GCNT1: variants seen among roughly 807,000 people sequenced by gnomAD.
The protein encoded by GCNT1 is glucosaminyl (N-acetyl) transferase 1.
In GCNT1, 16 loss-of-function variants were observed where a neutral mutation model predicts 26.2. The ratio of observed to expected loss-of-function variants is 0.61; its 90% CI spans 0.41 to 0.93. The LOEUF (loss-of-function observed/expected upper bound fraction) is 0.93, where lower values mean the gene tolerates loss of function less well. Among genes scored for constraint, GCNT1 ranks in the 40% least tolerant of loss-of-function variants. The probability of loss-of-function intolerance (pLI) is 0.00; values close to 1 mark genes in which losing one functional copy is unlikely to be tolerated. For synonymous variants in GCNT1, 183 were observed against 190.8 expected (o/e 0.96, Z 0.34); for missense variants, 477 against 526.7 (o/e 0.91, Z 0.92).
intron 2 of GCNT1, among the ~76,000 whole-genome samples, chr9:76,478,413 C>G (rs918821821): frequency 6.6e-6 from 1 of 152,084 alleles, no homozygotes; most frequent in Non-Finnish European, 1.5e-5. Context: ...AGGGAGACCA[C>G]GAACCCACGG....
At chr9:76,428,291 T>TAAAAAA (rs1564220598) in intron 1 of GCNT1, among the ~76,000 whole-genome samples, 2 of 77,026 alleles carry the variant, frequency 2.6e-5, no homozygotes, top group African/African-American at 9.5e-5. Flanking sequence ...AAAAAAAAAC[T>TAAAAAA]TAAAAAAAAA....
intron 2 of GCNT1, among the ~76,000 whole-genome samples, chr9:76,480,818 G>A (rs1824402242): frequency 6.6e-6 from 1 of 151,968 alleles, no homozygotes; most frequent in African/African-American, 2.4e-5. Context: ...TTTTTCTTCT[G>A]TATGTAAACT....
chr9:76,497,229 T>C (rs1213608475), intron 2 of GCNT1, among the ~76,000 whole-genome samples: 2 of 152,326 alleles, frequency 1.3e-5, no homozygotes, highest in South Asian at 2.1e-4. Context: ...TGTGGGTGTG[T>C]AATTTTTGGT....
chr9:76,471,730 T>C (rs1824137189), intron 2 of GCNT1, among the ~76,000 whole-genome samples: 1 of 152,216 alleles, frequency 6.6e-6, no homozygotes, highest in Admixed American at 6.5e-5. Flanking sequence ...TATTCTCCTA[T>C]TAGGAAAGAC....
chr9:76,456,887 T>C (rs1368821117), upstream of GCNT1, among the ~76,000 whole-genome samples: 1 of 152,146 alleles, frequency 6.6e-6, no homozygotes, highest in Non-Finnish European at 1.5e-5. Context: ...GGTGAGAGAA[T>C]CACCTGAGCA....
chr9:76,503,086 G>A lies in GCNT1; in HGVS notation c.705G>A (p.Leu235=), dbSNP rs751651523. ...TAGAAATTGTCAGGAAGCTCAAGTT[G>A]TTAATGGGAGAAAACAACCTGGAAA... is the stretch of plus-strand genomic sequence containing the variant. ...TNLEIVRKLK[L]LMGENNLETE... is the part of the protein sequence containing the mutation. The change falls in exon 4 of 4, where the codon TTG becomes TTA. Residue 235 remains leucine (L), a synonymous_variant. Coordinates refer to ENST00000376730, the MANE Select transcript of GCNT1 (RefSeq NM_001490.5). 2 of 1,614,122 alleles carry A rather than the reference G, an allele frequency of 1.2e-6. No individual in the cohort carries two copies. The highest frequency in any genetic ancestry group is 1.1e-5 in the South Asian group (1 of 91,084).
chr9:76,468,275 G>C (rs982304811), intron 2 of GCNT1, among the ~76,000 whole-genome samples: 8 of 152,174 alleles, frequency 5.3e-5, no homozygotes, highest in African/African-American at 1.9e-4. Flanking sequence ...TGCCTAGCTG[G>C]AGCCCTGCTC....
At chr9:76,410,425 T>A in the GCNT1 span, among the ~76,000 whole-genome samples, 1 of 151,782 alleles carries the variant, frequency 6.6e-6, no homozygotes, top group African/African-American at 2.4e-5. Flanking sequence ...AGAACAAAAC[T>A]CTCTTCAAAA....
In GCNT1 at chr9:76,502,538, C is replaced by G; in HGVS notation, c.157C>G (p.Pro53Ala). Residue 53 changes from proline to alanine, a missense_variant, in exon 4 of 4, where the codon CCT (proline) becomes GCT (alanine). Transcript: ENST00000376730. The part of the protein sequence containing the change: ...VRHLELAGEN[P>A]SSDINCTKVL... ...ACACTTGGAGCTTGCTGGGGAGAAT[C>G]CTAGTAGTGATATTAATTGCACCAA... is the stretch of plus-strand genomic sequence containing the variant. 6.2e-7 allele frequency: 1 copy of G among 1,613,926 alleles called. No homozygotes were observed. Among genetic ancestry groups the G allele is most frequent in the Non-Finnish European group, 8.5e-7 (1 of 1,179,920 alleles).
At chr9:76,423,983 C>G (rs576156341) in intron 1 of GCNT1, among the ~76,000 whole-genome samples, 1 of 152,228 alleles carries the variant, frequency 6.6e-6, no homozygotes, top group East Asian at 1.9e-4. Flanking sequence ...TACTTTCTAC[C>G]TTGCATTCAG....
intron 2 of GCNT1, among the ~76,000 whole-genome samples, chr9:76,494,983 A>T (rs1047492271): frequency 6.6e-6 from 1 of 152,198 alleles, no homozygotes. Flanking sequence ...GGGGGTTGTT[A>T]GGTAGCCATT....
the GCNT1 span, chr9:76,398,646 C>A: frequency 1.0e-6 from 1 of 969,024 alleles, no homozygotes; most frequent in Non-Finnish European, 1.6e-6. Context: ...TACAGAGGGG[C>A]CCATACGGCG....
At chr9:76,495,389 G>A (rs1824879209) in intron 2 of GCNT1, among the ~76,000 whole-genome samples, 3 of 152,166 alleles carry the variant, frequency 2.0e-5, no homozygotes, top group Non-Finnish European at 4.4e-5. Flanking sequence ...TCTTAAAGGT[G>A]GTGGGGACCC....
At chr9:76,398,938 G>C in the GCNT1 span, 4 of 1,522,418 alleles carry the variant, frequency 2.6e-6, no homozygotes, top group South Asian at 4.5e-5. Context: ...TATCCTCCAG[G>C]AATACTGGCC....
At chr9:76,410,175 T>C in the GCNT1 span, among the ~76,000 whole-genome samples, 1 of 152,270 alleles carries the variant, frequency 6.6e-6, no homozygotes, top group Non-Finnish European at 1.5e-5. Flanking sequence ...CTCATGCCTG[T>C]AATCTCAGCA....
the GCNT1 span, among the ~76,000 whole-genome samples, chr9:76,413,653 G>GTTTT: frequency 5.9e-5 from 7 of 118,678 alleles, no homozygotes; most frequent in Non-Finnish European, 7.0e-5. Flanking sequence ...GTTTTGTTTT[G>GTTTT]TTTTTTTTTT....
upstream of GCNT1, among the ~76,000 whole-genome samples, chr9:76,456,873 T>C (rs146942615): frequency 0.026 from 4,009 of 152,136 alleles, 89 homozygotes; most frequent in Non-Finnish European, 0.037. Flanking sequence ...ACTTGGGAGG[T>C]TGAGGTGAGA....
At chr9:76,481,878 T>C (rs1425991586) in intron 2 of GCNT1, among the ~76,000 whole-genome samples, 1 of 152,142 alleles carries the variant, frequency 6.6e-6, no homozygotes, top group Non-Finnish European at 1.5e-5. Context: ...GAGCCTTAAT[T>C]CCCACAGGGC....
chr9:76,428,138 C>T lies in GCNT1; in HGVS notation n.38+8251C>T, dbSNP rs190768769. On this transcript the variant is annotated intron_variant and non_coding_transcript_variant, in intron 1 of 3. Transcript: ENST00000488136. ...AAAATTAGCCGCGCGTGGTGGCGGG[C>T]GCCTGTAGTCCCAGCTACTCAGGAG... Among the ~76,000 whole-genome samples, 406 of 151,460 alleles carry T rather than the reference C, an allele frequency of 2.7e-3. 1 individual carries two copies. Among genetic ancestry groups the T allele is most frequent in the African/African-American group, 9.3e-3 (383 of 41,332 alleles).
Sources: gnomAD v4.1 joint callset for allele counts (sites outside exome capture counted in the v4.1 genomes callset) on GRCh38, gnomAD v4.1.1 for gene constraint, MANE v1.5 for transcripts, NCBI Gene and HGNC (gene_info 2026-07-23, HGNC 2026-07-21) for gene names.